YWHAZ: variants seen among roughly 807,000 people sequenced by gnomAD.
YWHAZ encodes 14-3-3 protein zeta/delta.
For missense variants in YWHAZ, 79 were observed against 284.8 expected (o/e 0.28, Z 5.20); for synonymous variants, 87 against 103.6 (o/e 0.84, Z 0.97).
At chr8:100,926,925 T>C (rs1351996463) in intron 2 of YWHAZ, among the ~76,000 whole-genome samples, 1 of 152,220 alleles carries the variant, frequency 6.6e-6, no homozygotes, top group Non-Finnish European at 1.5e-5. Flanking sequence ...AATTGTATTA[T>C]TCATTCAACT....
At chr8:100,940,462 A>G (rs1809747079) in intron 2 of YWHAZ, among the ~76,000 whole-genome samples, 1 of 152,128 alleles carries the variant, frequency 6.6e-6, no homozygotes, top group African/African-American at 2.4e-5. Flanking sequence ...GACTTGTATT[A>G]TTTGTGCACG....
At chr8:100,950,512 CA>C in intron 1 of YWHAZ, 1 of 985,480 alleles carries the variant, frequency 1.0e-6, no homozygotes. Flanking sequence ...AGGCTCCGCC[CA>C]AGTCGGAGCC....
intron 2 of YWHAZ, among the ~76,000 whole-genome samples, chr8:100,946,594 T>C (rs1267121481): frequency 6.6e-6 from 1 of 151,942 alleles, no homozygotes; most frequent in Non-Finnish European, 1.5e-5. Flanking sequence ...ACAAACCTGC[T>C]ACAAGTCTTT....
intron 1 of YWHAZ, among the ~76,000 whole-genome samples, chr8:100,950,734 C>G (rs1174850374): frequency 6.6e-6 from 1 of 151,184 alleles, no homozygotes; most frequent in Non-Finnish European, 1.5e-5. Context: ...AGAAGCGGAA[C>G]CACTACCAGC....
chr8:100,947,204 A>C (rs1453356656), intron 2 of YWHAZ, among the ~76,000 whole-genome samples: 1 of 150,572 alleles, frequency 6.6e-6, no homozygotes, highest in East Asian at 2.0e-4. Context: ...CAGTGAGCCG[A>C]GATCGCGCCA....
At chr8:100,952,995 T>C (rs1313917630), upstream of YWHAZ, 1 of 997,270 alleles carries the variant, frequency 1.0e-6, no homozygotes, top group Non-Finnish European at 1.2e-6. Flanking sequence ...GAGGGGACAA[T>C]GGGTGGGCGC....
At chr8:100,946,673 CTG>C (rs1810301910) in intron 2 of YWHAZ, among the ~76,000 whole-genome samples, 1 of 152,072 alleles carries the variant, frequency 6.6e-6, no homozygotes, top group African/African-American at 2.4e-5. Context: ...ACATACCTAC[CTG>C]GTATTGCAAA....
chr8:100,920,854 G>C (rs1812975546), intron 5 of YWHAZ, 102 bp from the exon 6 acceptor site: 1 of 934,342 alleles, frequency 1.1e-6, no homozygotes, highest in African/African-American at 1.7e-5. Flanking sequence ...TAGTTGGAAA[G>C]CATTCTTAAA....
At position 100,924,395 on chromosome 8, in the gene YWHAZ, C is replaced by T. The variant is rs532827778; in HGVS notation, c.419-97G>A. The T allele has an allele frequency of 1.2e-5, 15 of 1,250,798 alleles. No individual in the cohort carries two copies. In the Admixed American group the frequency reaches 1.7e-4, roughly 15 times the overall value. 77.5% of individuals were successfully genotyped at this position (1,250,798 alleles called of 1,614,324 possible). A position where few individuals can be genotyped will look rare whatever the true frequency, so the allele number is the denominator to read the frequency against. On this transcript the variant is annotated intron_variant, in intron 3 of 5. Transcript: ENST00000395958. The surrounding 1 kb of genome is among the most constrained non-coding windows in gnomAD (Gnocchi z 5.7). ...AATATCTCACATATCCTTTGAAATA[C>T]TAACCTGTAACAGCTTAATATTTGT...
At position 100,948,516 on chromosome 8, in the gene YWHAZ, A is replaced by C. The variant is rs983524949; in HGVS notation, c.294+80T>G. 1 of 1,465,722 alleles carries C rather than the reference A, an allele frequency of 6.8e-7. No individual in the cohort carries two copies. The allele number at this position is 1,465,722 out of a possible 1,614,324, so 90.8% of individuals were successfully genotyped here. On this transcript the variant is annotated intron_variant, in intron 2 of 5. Transcript: ENST00000395958. The surrounding 1 kb of genome is among the most constrained non-coding windows in gnomAD (Gnocchi z 4.2). ...AATGTTTAGAAGGAAAAGAAAAACC[A>C]AACAAAAAGTTAAGAGTAATGTAAC...
chr8:100,947,967 G>T, intron 2 of YWHAZ: 1 of 669,976 alleles, frequency 1.5e-6, no homozygotes, highest in Non-Finnish European at 2.3e-6. Flanking sequence ...TTTAAGCGCA[G>T]TGCTTCAACA....
chr8:100,929,260 C>T (rs867424581), intron 2 of YWHAZ, among the ~76,000 whole-genome samples: 5 of 147,010 alleles, frequency 3.4e-5, no homozygotes, highest in East Asian at 2.0e-4. Flanking sequence ...GGTGCAGTGG[C>T]GCAATGTCGG....
At chr8:100,932,195 T>C (rs1024778942) in intron 2 of YWHAZ, 5 of 152,212 alleles carry the variant, frequency 3.3e-5, no homozygotes, top group Admixed American at 3.3e-4. Flanking sequence ...TGGCAAATAG[T>C]AAGCAACAAA....
At chr8:100,945,778 G>T (rs1408251626) in intron 2 of YWHAZ, among the ~76,000 whole-genome samples, 1 of 152,046 alleles carries the variant, frequency 6.6e-6, no homozygotes, top group Non-Finnish European at 1.5e-5. Flanking sequence ...CCTATTATCG[G>T]TAAATATCAA....
chr8:100,929,658 A>T (rs1813624119), intron 2 of YWHAZ, among the ~76,000 whole-genome samples: 1 of 152,158 alleles, frequency 6.6e-6, no homozygotes, highest in Non-Finnish European at 1.5e-5. Flanking sequence ...GGTCTTTTTC[A>T]ATTCTAAGGG....
At position 100,917,154 on chromosome 8, in the gene YWHAZ, TG is replaced by T. The variant is rs1812740611; in HGVS notation, c.*3538del. On this transcript the variant is annotated 3_prime_UTR_variant, in exon 6 of 6. Transcript: ENST00000395958. ...TAACCTAAGATAGCAGCTTCCAAATTGGCTTTGACTCATTTTAAAATATGCA... is the reference window on the plus strand; with the variant it reads ...TAACCTAAGATAGCAGCTTCCAAATTGCTTTGACTCATTTTAAAATATGCA... 1 of 152,222 alleles carries T rather than the reference TG, an allele frequency of 6.6e-6. No homozygotes were observed. Among genetic ancestry groups the T allele is most frequent in the African/African-American group, 2.4e-5 (1 of 41,464 alleles). 9.4% of individuals were successfully genotyped at this position (152,222 alleles called of 1,614,324 possible). A position where few individuals can be genotyped will look rare whatever the true frequency, so the allele number is the denominator to read the frequency against.
Position 100,918,408 on chromosome 8 carries a change from T to TAAAATAAA in YWHAZ, c.*2284_*2285insTTTATTTT, listed in dbSNP as rs1554611374. On this transcript the variant is annotated 3_prime_UTR_variant, in exon 6 of 6. Coordinates refer to ENST00000395958, the MANE Select transcript of YWHAZ (RefSeq NM_145690.3). ...AGTCTAGCTATAAAATATAATTACT[T>TAAAATAAA]TATATATATATATATATATATATAT... 1 of 41,882 alleles carries TAAAATAAA rather than the reference T, an allele frequency of 2.4e-5. No homozygotes were observed. The highest frequency in any genetic ancestry group is 4.8e-5 in the Non-Finnish European group (1 of 20,796). The allele number at this position is 41,882 out of a possible 1,614,324, so 2.6% of individuals were successfully genotyped here.
rs1405827259 is a variant in YWHAZ at position 100,948,363 on chromosome 8, CTG to C, written c.294+231_294+232del. On this transcript the variant is annotated intron_variant, in intron 2 of 5. Transcript: ENST00000395958. The surrounding 1 kb of genome is among the most constrained non-coding windows in gnomAD (Gnocchi z 4.2). ...TTAATATAAAATACAATACTAAAGT[CTG>C]TTATTTTTAACAAAACTGAACTGTT... 1.5e-4 allele frequency among the ~76,000 whole-genome samples: 23 copies of C among 152,262 alleles called. No individual in the cohort carries two copies. The highest frequency in any genetic ancestry group is 1.2e-3 in the Admixed American group (18 of 15,294).
chr8:100,927,027 T>C (rs1813411650), intron 2 of YWHAZ, among the ~76,000 whole-genome samples: 1 of 152,204 alleles, frequency 6.6e-6, no homozygotes, highest in African/African-American at 2.4e-5. Context: ...ATCTCAATGA[T>C]TCAGTTATCT....
Sources: gnomAD v4.1 joint callset for allele counts (sites outside exome capture counted in the v4.1 genomes callset) on GRCh38, gnomAD v4.1.1 for gene constraint, Gnocchi (gnomAD v3.1) non-coding constraint, MANE v1.5 for transcripts, NCBI Gene and HGNC (gene_info 2026-07-23, HGNC 2026-07-21) for gene names.